The following MYBPHL variants were observed in gnomAD, a reference collection of about 807,000 sequenced individuals.
The protein encoded by MYBPHL is myosin binding protein H like.
Under a neutral mutation model 39.5 loss-of-function variants are expected in MYBPHL, and 32 were observed. That is an observed-to-expected ratio of 0.81 (90% CI 0.61 to 1.09). MYBPHL has a LOEUF of 1.09. MYBPHL is among the 50% of genes least tolerant of loss of function. MYBPHL has a pLI of 0.00. For missense variants in MYBPHL, 456 were observed against 460.2 expected, an observed-to-expected ratio of 0.99 and a Z score of 0.08; for synonymous variants, 196 against 183.7, an observed-to-expected ratio of 1.07 and a Z score of -0.54.
At chr1:109,298,903 G>C (rs907741407) in intron 1 of MYBPHL, among the ~76,000 whole-genome samples, 2 of 152,230 alleles carry the variant, frequency 1.3e-5, no homozygotes, top group African/African-American at 4.8e-5. Flanking sequence ...TTCTGGGACA[G>C]ATTAGGTCCA....
At chr1:109,301,076 C>T (rs934449068) in intron 1 of MYBPHL, among the ~76,000 whole-genome samples, 6 of 152,188 alleles carry the variant, frequency 3.9e-5, no homozygotes, top group African/African-American at 7.2e-5. Context: ...CCAACCCAGG[C>T]GCAATCTGAC....
rs756981173 is a variant in MYBPHL, at chr1:109,298,228, G to A, written c.175C>T (p.Leu59=). Residue 59 remains leucine (L), a synonymous_variant, in exon 2 of 9, where the codon CTG becomes TTG. Coordinates refer to ENST00000357155, the MANE Select transcript of MYBPHL (RefSeq NM_001010985.3). ...EHPKIWLPRA[L]RQTYIRKVGD... ...ACCTTCCGGATGTAGGTCTGCCTCA[G>A]GGCCCGAGGTAGCCAGATCTTGGGG... 2 of 1,610,264 alleles carry A rather than the reference G, an allele frequency of 1.2e-6. No homozygotes were observed.
At chr1:109,295,998 A>G (rs1053202917) in intron 6 of MYBPHL, among the ~76,000 whole-genome samples, 1 of 152,228 alleles carries the variant, frequency 6.6e-6, no homozygotes, top group Non-Finnish European at 1.5e-5. Flanking sequence ...CCAGCAGGTC[A>G]GTAAGCAACA....
At chr1:109,301,837 C>G (rs557443679) in intron 1 of MYBPHL, among the ~76,000 whole-genome samples, 2 of 151,994 alleles carry the variant, frequency 1.3e-5, no homozygotes, top group Non-Finnish European at 2.9e-5. Flanking sequence ...CTACTTTTAT[C>G]CTGCTAAAGT....
intron 1 of MYBPHL, among the ~76,000 whole-genome samples, chr1:109,302,033 A>T (rs985978872): frequency 1.3e-5 from 2 of 151,658 alleles, no homozygotes; most frequent in Non-Finnish European, 2.9e-5. Context: ...GTGTGTTTGT[A>T]TGAGTGTGTA....
At chr1:109,294,107 T>C (rs1198814437) in intron 8 of MYBPHL, 99 bp downstream of exon 8, 2 of 809,956 alleles carry the variant, frequency 2.5e-6, no homozygotes, top group African/African-American at 1.7e-5. Context: ...AGTGGATACA[T>C]GACTGAAAGG....
chr1:109,304,437 T>C (rs1259069669), intron 1 of MYBPHL, among the ~76,000 whole-genome samples: 1 of 152,152 alleles, frequency 6.6e-6, no homozygotes, highest in Admixed American at 6.5e-5. Flanking sequence ...AGTCAGCAGA[T>C]GGGCTCTTTC....
At chr1:109,303,572 G>T (rs1392651991) in intron 1 of MYBPHL, among the ~76,000 whole-genome samples, 1 of 152,132 alleles carries the variant, frequency 6.6e-6, no homozygotes, top group Non-Finnish European at 1.5e-5. Flanking sequence ...AGTTCACTCG[G>T]TCTCCCATTG....
chr1:109,297,325 C>T (rs1413565802), intron 3 of MYBPHL, 97 bp downstream of exon 3: 6 of 1,556,816 alleles, frequency 3.9e-6, no homozygotes, highest in Non-Finnish European at 5.2e-6. Context: ...GACGTGGGAG[C>T]CTTGCCGCAG....
In MYBPHL at chr1:109,297,170, C is replaced by G; in HGVS notation, c.450G>C (p.Gln150His). 6.2e-7 allele frequency: 1 copy of G among 1,614,212 alleles called. No individual in the cohort carries two copies. The highest frequency in any genetic ancestry group is 8.5e-7 in the Non-Finnish European group (1 of 1,180,034). The stretch of plus-strand genomic sequence containing the variant: ...CCCAAACGTCCACCAGCTTAATACT[C>G]TGAGGAGGGCCTGGCCTCTCTGAAA... Reference protein sequence around the residue: ...ILVIERPGPPQSIKLVDVWGF... With the variant: ...ILVIERPGPPHSIKLVDVWGF... Residue 150 changes from glutamine (Q) to histidine (H), a missense_variant, in exon 4 of 9, where the codon CAG becomes CAC. Coordinates refer to ENST00000357155, the MANE Select transcript of MYBPHL (RefSeq NM_001010985.3).
At chr1:109,306,798 C>T (rs1248896682) in intron 1 of MYBPHL, 49 bp downstream of exon 1, 1 of 1,496,020 alleles carries the variant, frequency 6.7e-7, no homozygotes, top group African/African-American at 1.4e-5. Flanking sequence ...ATGTCTTCCC[C>T]AACTCCCACC....
chr1:109,304,300 G>A (rs912585047), intron 1 of MYBPHL, among the ~76,000 whole-genome samples: 7 of 152,216 alleles, frequency 4.6e-5, no homozygotes, highest in African/African-American at 1.7e-4. Flanking sequence ...GAGGAGGAAA[G>A]GAAGGACGGA....
Position 109,306,859 on chromosome 1 carries a change from G to A in MYBPHL, c.133C>T (p.Pro45Ser), listed in dbSNP as rs1658485735. 1.3e-6 allele frequency: 2 copies of A among 1,592,514 alleles called. No homozygotes were observed. The highest frequency in any genetic ancestry group is 1.7e-4 in the Middle Eastern group (1 of 5,836). Residue 45 changes from proline to serine, a missense_variant, in exon 1 of 9, where the codon CCC becomes TCC. Pro to Ser is a moderately conservative substitution (Grantham distance 74). Transcript: ENST00000357155. ...GAGSPTPQLL[P>S]PIEEHPKIWL... ...TGCCATGGGTCACCTTCTATAGGGG[G>A]CAGGAGCTGGGGAGTGGGGCTGCCA...
intron 5 of MYBPHL, 29 bp downstream of exon 5, chr1:109,296,754 C>T (rs748331116): frequency 1.9e-6 from 3 of 1,613,738 alleles, no homozygotes; most frequent in Non-Finnish European, 1.7e-6. Context: ...TTAAGTCTTC[C>T]CAGCTCATGA....
At chr1:109,297,759 C>A in intron 2 of MYBPHL, 142 bp from the exon 3 acceptor site, 3 of 699,790 alleles carry the variant, frequency 4.3e-6, no homozygotes, top group Non-Finnish European at 7.0e-6. Context: ...TTGGTGGACC[C>A]TCCCGGGGGC....
intron 7 of MYBPHL, 106 bp from the exon 8 acceptor site, chr1:109,294,355 C>A: frequency 9.4e-7 from 1 of 1,066,118 alleles, no homozygotes; most frequent in South Asian, 1.3e-5. Flanking sequence ...CTTGGGGAGT[C>A]AATGGTGCTA....
intron 1 of MYBPHL, among the ~76,000 whole-genome samples, chr1:109,304,861 T>C (rs1174588211): frequency 6.6e-6 from 1 of 152,216 alleles, no homozygotes; most frequent in Non-Finnish European, 1.5e-5. Flanking sequence ...TGTTGGCCAT[T>C]TGCAGTTGGT....
chr1:109,296,949 G>A lies in MYBPHL; in HGVS notation c.571-7C>T, dbSNP rs1658095819. 1 of 1,613,908 alleles carries A rather than the reference G, an allele frequency of 6.2e-7. No homozygotes were observed. Among genetic ancestry groups the A allele is most frequent in the South Asian group, 1.1e-5 (1 of 91,076 alleles). On this transcript the variant is annotated splice_polypyrimidine_tract_variant and splice_region_variant and intron_variant, in intron 4 of 8. Coordinates refer to ENST00000357155, the MANE Select transcript of MYBPHL (RefSeq NM_001010985.3). Reference sequence around the variant, plus strand: ...CCAGCACCGTGAACCACAGCTGCGGGGCCGAACATGATGCCAGAAATCAGC... The same window carrying A: ...CCAGCACCGTGAACCACAGCTGCGGAGCCGAACATGATGCCAGAAATCAGC...
intron 8 of MYBPHL, among the ~76,000 whole-genome samples, chr1:109,293,973 A>G (rs1657962164): frequency 1.3e-5 from 2 of 151,994 alleles, no homozygotes; most frequent in African/African-American, 2.4e-5. Flanking sequence ...TTGAGGCACA[A>G]GAATTGCTTG....
Sources: gnomAD v4.1 joint callset for allele counts (sites outside exome capture counted in the v4.1 genomes callset) on GRCh38, gnomAD v4.1.1 for gene constraint, MANE v1.5 for transcripts, NCBI Gene and HGNC (gene_info 2026-07-23, HGNC 2026-07-21) for gene names.